BCL9: variants seen among roughly 807,000 people sequenced by gnomAD.
BCL9 encodes B-cell CLL/lymphoma 9 protein.
A neutral mutation model predicts 88.5 loss-of-function variants in BCL9; 25 were observed. The observed-to-expected ratio is 0.28, with a 90% CI of 0.21 to 0.39. BCL9 has a LOEUF of 0.39. Among genes scored for constraint, BCL9 ranks in the 10% least tolerant of loss-of-function variants. The probability of loss-of-function intolerance (pLI) is 1.00; values close to 1 mark genes in which losing one functional copy is unlikely to be tolerated. For missense variants in BCL9, 1,817 were observed against 1,877.8 expected (o/e 0.97, Z 0.60); for synonymous variants, 711 against 673.3 (o/e 1.06, Z -0.87).
At chr1:147,606,459 TATG>T (rs1657716456) in intron 2 of BCL9, among the ~76,000 whole-genome samples, 2 of 152,154 alleles carry the variant, frequency 1.3e-5, no homozygotes, top group African/African-American at 4.8e-5. Context: ...GAAGCAAAAT[TATG>T]AGGAGTTTCT....
chr1:147,586,553 T>C (rs896473789), intron 1 of BCL9, among the ~76,000 whole-genome samples: 1 of 152,180 alleles, frequency 6.6e-6, no homozygotes, highest in African/African-American at 2.4e-5. Flanking sequence ...CATCAAGAGC[T>C]TGGCTAGCAG....
intron 1 of BCL9, among the ~76,000 whole-genome samples, chr1:147,547,693 A>G (rs887153854): frequency 1.5e-4 from 23 of 152,294 alleles, no homozygotes; most frequent in African/African-American, 5.5e-4. Context: ...GCTTAATGTC[A>G]TAACAATAAT....
chr1:147,551,920 C>A (rs1654922254), intron 1 of BCL9, among the ~76,000 whole-genome samples: 1 of 152,070 alleles, frequency 6.6e-6, no homozygotes, highest in African/African-American at 2.4e-5. Flanking sequence ...GTCTCTGAGA[C>A]CTGAGGAAGT....
chr1:147,622,576 A>G (rs782551506), intron 9 of BCL9, 45 bp downstream of exon 9: 1 of 1,607,532 alleles, frequency 6.2e-7, no homozygotes, highest in South Asian at 1.1e-5. Flanking sequence ...GCTAGACCAA[A>G]GAGAAACCTC....
intron 1 of BCL9, among the ~76,000 whole-genome samples, chr1:147,546,706 A>G (rs1654611125): frequency 6.6e-6 from 1 of 152,236 alleles, no homozygotes; most frequent in African/African-American, 2.4e-5. Flanking sequence ...GGGAAAGGGT[A>G]GTGGGTTTTG....
chr1:147,623,779 A>T lies in BCL9; in HGVS notation c.3164-63A>T. 4.6e-6 allele frequency: 7 copies of T among 1,513,854 alleles called. No individual in the cohort carries two copies. The Admixed American group carries it at 1.2e-4, about 26-fold the overall frequency. The allele number at this position is 1,513,854 out of a possible 1,614,324, so 93.8% of individuals were successfully genotyped here. On this transcript the variant is annotated intron_variant, in intron 9 of 9. Coordinates refer to ENST00000234739, the MANE Select transcript of BCL9 (RefSeq NM_004326.4). ...TGCACAATAGTTTTTTTGTTAATTT[A>T]TTATAGTTTTTCTGAGTTGATTTTT...
chr1:147,602,446 G>A (rs982232531), intron 1 of BCL9, among the ~76,000 whole-genome samples: 1 of 152,090 alleles, frequency 6.6e-6, no homozygotes, highest in Non-Finnish European at 1.5e-5. Flanking sequence ...TCCTGACCTC[G>A]TGATCCGCCT....
chr1:147,618,676 G>A (rs1658425786), intron 7 of BCL9, 140 bp from the exon 8 acceptor site: 1 of 800,950 alleles, frequency 1.2e-6, no homozygotes, highest in Non-Finnish European at 1.8e-6. Flanking sequence ...CCAAAAGAGG[G>A]TTGTACGTGA....
chr1:147,568,666 G>C (rs891408678), intron 1 of BCL9, among the ~76,000 whole-genome samples: 1 of 151,978 alleles, frequency 6.6e-6, no homozygotes, highest in African/African-American at 2.4e-5. Flanking sequence ...TCTCTTATCT[G>C]CTTCCCTCCC....
chr1:147,576,618 G>T (rs1434547320), intron 1 of BCL9, among the ~76,000 whole-genome samples: 3 of 152,136 alleles, frequency 2.0e-5, no homozygotes, highest in African/African-American at 7.2e-5. Flanking sequence ...TGACAATAAT[G>T]GTATCCAGTG....
At chr1:147,543,025 C>G (rs898877372) in intron 1 of BCL9, among the ~76,000 whole-genome samples, 1 of 152,112 alleles carries the variant, frequency 6.6e-6, no homozygotes, top group African/African-American at 2.4e-5. Flanking sequence ...GCTGTTTACT[C>G]GCCGGTGGTT....
intron 1 of BCL9, among the ~76,000 whole-genome samples, chr1:147,566,931 C>T (rs1655629832): frequency 6.6e-6 from 1 of 151,992 alleles, no homozygotes; most frequent in Non-Finnish European, 1.5e-5. Flanking sequence ...GCATCAGGCA[C>T]CTTTTACTAA....
chr1:147,596,737 T>C (rs1202850452), intron 1 of BCL9, among the ~76,000 whole-genome samples: 5 of 152,146 alleles, frequency 3.3e-5, no homozygotes, highest in South Asian at 2.1e-4. Context: ...TTTCTAATGG[T>C]TAGATGCTAT....
chr1:147,586,941 C>G (rs1476269992), intron 1 of BCL9, among the ~76,000 whole-genome samples: 1 of 152,090 alleles, frequency 6.6e-6, no homozygotes, highest in Non-Finnish European at 1.5e-5. Flanking sequence ...TCCGCTATCC[C>G]TAAGCCCACC....
intron 1 of BCL9, among the ~76,000 whole-genome samples, chr1:147,569,144 C>T (rs111301971): frequency 0.012 from 1,881 of 151,518 alleles, 22 homozygotes; most frequent in East Asian, 0.055. Context: ...TATGGGTGAA[C>T]AAATGGACAA....
rs374221305 is a variant in BCL9 at position 147,546,342 on chromosome 1, A to C, written c.-478+4668A>C. 7.3e-4 allele frequency among the ~76,000 whole-genome samples: 111 copies of C among 152,164 alleles called. 1 individual carries two copies. The highest frequency in any genetic ancestry group is 1.1e-3 in the Non-Finnish European group (76 of 67,998). On this transcript the variant is annotated intron_variant, in intron 1 of 9. Transcript: ENST00000234739. ...GACAGAGTAAGACTCCAAAAAAAAAAAATAATAAATAATAATAGTTGCCTA... is the reference window on the plus strand; with the variant it reads ...GACAGAGTAAGACTCCAAAAAAAAACAATAATAAATAATAATAGTTGCCTA...
chr1:147,620,237 A>C lies in BCL9; in HGVS notation c.2082A>C (p.Pro694=). The C allele has an allele frequency of 1.9e-6, 3 of 1,614,140 alleles. No individual in the cohort carries two copies. Among genetic ancestry groups the C allele is most frequent in the Non-Finnish European group, 2.5e-6 (3 of 1,180,008 alleles). The change falls in exon 8 of 10, where the codon CCA becomes CCC. Residue 694 remains proline, a synonymous_variant. Transcript: ENST00000234739. ...TGAGTCCTTCTAGGGGTGACTTTCC[A>C]AAAGGAATTCCCCCACAGATGGGCC... ...GPLSPSRGDF[P]KGIPPQMGPG...
chr1:147,549,685 G>C (rs782427165), intron 1 of BCL9, among the ~76,000 whole-genome samples: 3 of 152,158 alleles, frequency 2.0e-5, no homozygotes. Flanking sequence ...GACTCACTCA[G>C]GTTTCCTCTA....
At chr1:147,561,969 C>A (rs1255790821) in intron 1 of BCL9, among the ~76,000 whole-genome samples, 1 of 152,112 alleles carries the variant, frequency 6.6e-6, no homozygotes, top group Non-Finnish European at 1.5e-5. Flanking sequence ...AGGAAGTAAA[C>A]CAGTTTGGCC....
Sources: gnomAD v4.1 joint callset for allele counts (sites outside exome capture counted in the v4.1 genomes callset) on GRCh38, gnomAD v4.1.1 for gene constraint, MANE v1.5 for transcripts, NCBI Gene and HGNC (gene_info 2026-07-23, HGNC 2026-07-21) for gene names.